The following NXPE2 variants were observed in gnomAD, a reference collection of about 807,000 sequenced individuals.
NXPE2 encodes the protein NXPE family member 2.
In NXPE2, 34 loss-of-function variants were observed where a neutral mutation model predicts 34.4. The observed-to-expected ratio is 0.99, with a 90% confidence interval of 0.75 to 1.31. The LOEUF (loss-of-function observed/expected upper bound fraction) is 1.31, where lower values mean the gene tolerates loss of function less well. NXPE2 is among the 40% of genes most tolerant of loss of function. NXPE2 has a pLI of 0.00. For missense variants in NXPE2, 649 were observed against 672.5 expected (o/e 0.97, Z 0.39); for synonymous variants, 235 against 231.3 (o/e 1.02, Z -0.15).
the NXPE2 span, among the ~76,000 whole-genome samples, chr11:114,750,471 T>C: frequency 6.6e-6 from 1 of 152,220 alleles, no homozygotes; most frequent in African/African-American, 2.4e-5. Flanking sequence ...TTTTTGACTC[T>C]TAAGTTTTAC....
chr11:114,612,420 T>C, the NXPE2 span, among the ~76,000 whole-genome samples: 540 of 151,468 alleles, frequency 3.6e-3, 2 homozygotes, highest in African/African-American at 0.013. Context: ...CGGTGGATAA[T>C]AAGTGTTGCC....
chr11:114,543,661 C>T, the NXPE2 span, among the ~76,000 whole-genome samples: 10 of 152,156 alleles, frequency 6.6e-5, no homozygotes, highest in East Asian at 1.9e-3. Context: ...AAACACTTCC[C>T]CAATATTGGA....
the NXPE2 span, chr11:114,527,918 G>A: frequency 6.5e-7 from 1 of 1,536,094 alleles, no homozygotes; most frequent in Non-Finnish European, 8.9e-7. Context: ...AAAAAAAATA[G>A]AACAATAAAT....
At chr11:114,734,026 T>C in the NXPE2 span, among the ~76,000 whole-genome samples, 1 of 152,224 alleles carries the variant, frequency 6.6e-6, no homozygotes, top group African/African-American at 2.4e-5. Flanking sequence ...CAGCAGGAAT[T>C]TGTATTCAGT....
chr11:114,605,538 G>A, the NXPE2 span, among the ~76,000 whole-genome samples: 2 of 150,882 alleles, frequency 1.3e-5, no homozygotes, highest in African/African-American at 2.4e-5. Flanking sequence ...GGTGGATAAT[G>A]TGTTGCCTCA....
At chr11:114,761,382 T>G in the NXPE2 span, among the ~76,000 whole-genome samples, 2 of 152,122 alleles carry the variant, frequency 1.3e-5, no homozygotes, top group African/African-American at 4.8e-5. Context: ...GTTTTATTAT[T>G]TGTCCACTGA....
chr11:114,812,792 G>C, the NXPE2 span, among the ~76,000 whole-genome samples: 1 of 152,154 alleles, frequency 6.6e-6, no homozygotes. Flanking sequence ...TGAGGGTGAA[G>C]GTGGGGGAGA....
chr11:114,777,306 T>C, the NXPE2 span, among the ~76,000 whole-genome samples: 1 of 152,254 alleles, frequency 6.6e-6, no homozygotes, highest in South Asian at 2.1e-4. Flanking sequence ...GAGTTCACTA[T>C]GGTGACCCAG....
the NXPE2 span, among the ~76,000 whole-genome samples, chr11:114,597,589 C>A: frequency 6.6e-6 from 1 of 152,148 alleles, no homozygotes; most frequent in Non-Finnish European, 1.5e-5. Context: ...GCCCTAGAAG[C>A]AATGACACCT....
the NXPE2 span, among the ~76,000 whole-genome samples, chr11:114,631,227 T>C: frequency 2.0e-5 from 3 of 151,862 alleles, no homozygotes; most frequent in Admixed American, 6.6e-5. Flanking sequence ...TGCACACATA[T>C]GTTTATTGCG....
At chr11:114,635,950 T>G in the NXPE2 span, among the ~76,000 whole-genome samples, 14,012 of 151,954 alleles carry the variant, frequency 0.092, 827 homozygotes, top group Middle Eastern at 0.2. Context: ...TCTCTGCCCG[T>G]CTTTGGTATC....
chr11:114,647,225 A>T, the NXPE2 span, among the ~76,000 whole-genome samples: 3 of 152,212 alleles, frequency 2.0e-5, no homozygotes, highest in Non-Finnish European at 4.4e-5. Context: ...AGATTTGGGT[A>T]AGTAATGTCT....
the NXPE2 span, among the ~76,000 whole-genome samples, chr11:114,645,616 A>C: frequency 6.6e-6 from 1 of 152,212 alleles, no homozygotes; most frequent in Non-Finnish European, 1.5e-5. Flanking sequence ...ATGTCCAATT[A>C]ATAAAATGAA....
At chr11:114,746,982 G>A in the NXPE2 span, among the ~76,000 whole-genome samples, 1 of 151,636 alleles carries the variant, frequency 6.6e-6, no homozygotes, top group South Asian at 2.1e-4. Flanking sequence ...ATGTTAGTGT[G>A]TTATTGACAG....
chr11:114,739,486 A>C, the NXPE2 span, among the ~76,000 whole-genome samples: 3 of 151,546 alleles, frequency 2.0e-5, no homozygotes, highest in Non-Finnish European at 4.4e-5. Flanking sequence ...CTGACTAATA[A>C]AATTTGTATA....
chr11:114,597,523 T>C, the NXPE2 span, among the ~76,000 whole-genome samples: 1 of 152,344 alleles, frequency 6.6e-6, no homozygotes, highest in Admixed American at 6.5e-5. Context: ...TGCATTTTTA[T>C]GCATACATGG....
chr11:114,793,102 A>G, the NXPE2 span, among the ~76,000 whole-genome samples: 1 of 152,208 alleles, frequency 6.6e-6, no homozygotes, highest in African/African-American at 2.4e-5. Context: ...GTGATACAGA[A>G]CAGGTCCACA....
chr11:114,704,720 C>T (rs775016488), intron 4 of NXPE2, among the ~76,000 whole-genome samples: 2 of 152,108 alleles, frequency 1.3e-5, no homozygotes, highest in African/African-American at 4.8e-5. Flanking sequence ...ATTTGCTAAA[C>T]CCTGTGGAGA....
the NXPE2 span, among the ~76,000 whole-genome samples, chr11:114,617,320 G>A: frequency 1.2e-3 from 182 of 152,014 alleles, no homozygotes; most frequent in Non-Finnish European, 1.7e-3. Flanking sequence ...GTTTTGCCTC[G>A]TGGGTAACCA....
Sources: gnomAD v4.1 joint callset for allele counts (sites outside exome capture counted in the v4.1 genomes callset) on GRCh38, gnomAD v4.1.1 for gene constraint, MANE v1.5 for transcripts, NCBI Gene and HGNC (gene_info 2026-07-23, HGNC 2026-07-21) for gene names.